The following ERAP1 variants were observed in gnomAD, a reference collection of about 807,000 sequenced individuals.
ERAP1 encodes endoplasmic reticulum aminopeptidase 1, also known as adipocyte-derived leucine aminopeptidase.
ERAP1 carries 86 observed loss-of-function variants against 103.7 expected under a neutral mutation model. The ratio of observed to expected loss-of-function variants is 0.83; its 90% CI spans 0.70 to 0.99. ERAP1 has a LOEUF of 0.99. Among genes scored for constraint, ERAP1 ranks in the 50% least tolerant of loss-of-function variants. ERAP1 has a pLI of 0.00. For synonymous variants in ERAP1, 398 were observed against 402.4 expected (o/e 0.99, Z 0.13); for missense variants, 1,009 against 1,128.4 (o/e 0.89, Z 1.52).
chr5:96,794,042 T>C (rs1047409089), intron 5 of ERAP1, 85 bp from the exon 6 acceptor site: 36 of 1,370,908 alleles, frequency 2.6e-5, no homozygotes, highest in Non-Finnish European at 3.7e-5. Context: ...GATAGGTGTT[T>C]GAACCAGCTG....
At chr5:96,816,919 T>G in the ERAP1 span, among the ~76,000 whole-genome samples, 1 of 152,198 alleles carries the variant, frequency 6.6e-6, no homozygotes, top group Admixed American at 6.5e-5. Flanking sequence ...CTCACCAAAC[T>G]CCAGGGGCAA....
chr5:96,871,567 T>C, the ERAP1 span, among the ~76,000 whole-genome samples: 1 of 152,234 alleles, frequency 6.6e-6, no homozygotes, highest in Admixed American at 6.5e-5. Context: ...TGGTTTATTT[T>C]GCCATCATTT....
At chr5:96,771,801 T>C (rs1581470518), downstream of ERAP1, 1 of 709,990 alleles carries the variant, frequency 1.4e-6, no homozygotes, top group Non-Finnish European at 2.5e-6. Flanking sequence ...GAGTAATTCA[T>C]GCTCACTTTA....
the ERAP1 span, among the ~76,000 whole-genome samples, chr5:96,868,334 G>A: frequency 4.6e-5 from 7 of 152,300 alleles, no homozygotes; most frequent in East Asian, 9.6e-4. Flanking sequence ...GGTTATCGGT[G>A]TGGCCATCCT....
chr5:96,891,535 T>C, the ERAP1 span, among the ~76,000 whole-genome samples: 2,085 of 138,996 alleles, frequency 0.015, 75 homozygotes, highest in East Asian at 0.079. Flanking sequence ...ACGGTATATA[T>C]ACACACACAC....
intron 8 of ERAP1, 108 bp from the exon 9 acceptor site, chr5:96,790,751 G>C (rs2150953071): frequency 9.8e-7 from 1 of 1,023,888 alleles, no homozygotes. Context: ...GCAACTGCAG[G>C]AACACTGTTA....
At chr5:96,843,204 T>C in the ERAP1 span, among the ~76,000 whole-genome samples, 2 of 152,158 alleles carry the variant, frequency 1.3e-5, no homozygotes, top group Non-Finnish European at 2.9e-5. Context: ...AAACGCCTAG[T>C]TACAGAATTT....
chr5:96,913,014 C>T, the ERAP1 span, among the ~76,000 whole-genome samples: 7 of 151,990 alleles, frequency 4.6e-5, no homozygotes, highest in Admixed American at 6.6e-5. Context: ...ACTAGACAAG[C>T]GGTTATGTTT....
chr5:96,896,750 A>G, the ERAP1 span: 1 of 1,575,122 alleles, frequency 6.3e-7, no homozygotes, highest in Non-Finnish European at 8.6e-7. Context: ...TATTTTGAAT[A>G]TGCTCAAGGA....
intron 3 of ERAP1, among the ~76,000 whole-genome samples, chr5:96,798,324 C>CAAAAAAAAA (rs3076633): frequency 2.6e-5 from 2 of 76,338 alleles, no homozygotes; most frequent in Admixed American, 1.7e-4. Context: ...GACTCCATCT[C>CAAAAAAAAA]AAAAAAAAAA....
At chr5:96,927,631 C>T in the ERAP1 span, among the ~76,000 whole-genome samples, 4 of 152,066 alleles carry the variant, frequency 2.6e-5, no homozygotes, top group South Asian at 2.1e-4. Context: ...GGACTACAGG[C>T]GCCCGCCACC....
intron 2 of ERAP1, among the ~76,000 whole-genome samples, chr5:96,802,923 A>C (rs1343903958): frequency 2.6e-5 from 4 of 152,066 alleles, no homozygotes; most frequent in African/African-American, 9.7e-5. Context: ...AGTACCAGGG[A>C]TCCACGGCCA....
intron 1 of ERAP1, among the ~76,000 whole-genome samples, chr5:96,805,163 C>T (rs185843092): frequency 6.6e-6 from 1 of 152,036 alleles, no homozygotes; most frequent in Admixed American, 6.6e-5. Context: ...TCAAAGTGTT[C>T]ACAGTACATG....
At chr5:96,850,903 G>A in the ERAP1 span, among the ~76,000 whole-genome samples, 2 of 152,124 alleles carry the variant, frequency 1.3e-5, no homozygotes, top group Non-Finnish European at 2.9e-5. Context: ...CAACCTATTA[G>A]TCCAAAGAAA....
chr5:96,827,145 C>T, the ERAP1 span, among the ~76,000 whole-genome samples: 702 of 152,286 alleles, frequency 4.6e-3, 8 homozygotes, highest in African/African-American at 0.016. Flanking sequence ...ACTCACATTC[C>T]TTCAAGCAGA....
chr5:96,904,161 T>A, the ERAP1 span, among the ~76,000 whole-genome samples: 1 of 152,196 alleles, frequency 6.6e-6, no homozygotes, highest in African/African-American at 2.4e-5. Context: ...AATGAAGTAA[T>A]AAATGGCTGT....
At chr5:96,804,040 T>C in intron 1 of ERAP1, 97 bp from the exon 2 acceptor site, 1 of 1,386,334 alleles carries the variant, frequency 7.2e-7, no homozygotes, top group Non-Finnish European at 1.0e-6. Context: ...TTCACAGAAA[T>C]AGGCATAAAC....
the ERAP1 span, among the ~76,000 whole-genome samples, chr5:96,836,481 C>T: frequency 1.8e-3 from 272 of 152,258 alleles, 8 homozygotes; most frequent in South Asian, 0.054. Context: ...GGATTACAGG[C>T]GTGAGCCACC....
the ERAP1 span, among the ~76,000 whole-genome samples, chr5:96,852,075 T>C: frequency 3.3e-5 from 5 of 152,164 alleles, no homozygotes; most frequent in African/African-American, 1.2e-4. Flanking sequence ...AGGCATTCAC[T>C]CATTCACTCA....
Sources: gnomAD v4.1 joint callset for allele counts (sites outside exome capture counted in the v4.1 genomes callset) on GRCh38, gnomAD v4.1.1 for gene constraint, MANE v1.5 for transcripts, NCBI Gene and HGNC (gene_info 2026-07-23, HGNC 2026-07-21) for gene names.